Variants in TENM3 observed in about 807,000 individuals in gnomAD.
TENM3 encodes the protein teneurin-3.
Under a neutral mutation model 255.1 loss-of-function variants are expected in TENM3, and 63 were observed. The ratio of observed to expected loss-of-function variants is 0.25; its 90% CI spans 0.20 to 0.30. The LOEUF (loss-of-function observed/expected upper bound fraction) is 0.30, where lower values mean the gene tolerates loss of function less well. Among genes scored for constraint, TENM3 ranks in the 10% least tolerant of loss-of-function variants. The pLI is 1.00. For missense variants in TENM3, 2,929 were observed against 3,461.1 expected (o/e 0.85, Z 3.86); for synonymous variants, 1,306 against 1,322.3 (o/e 0.99, Z 0.27).
chr4:181,625,568 T>C, the TENM3 span, among the ~76,000 whole-genome samples: 2 of 152,048 alleles, frequency 1.3e-5, no homozygotes, highest in Admixed American at 6.6e-5. Context: ...ATCCCAGCAC[T>C]TTTGGAGGCC....
At chr4:181,666,046 T>C in the TENM3 span, among the ~76,000 whole-genome samples, 1 of 152,160 alleles carries the variant, frequency 6.6e-6, no homozygotes, top group African/African-American at 2.4e-5. Flanking sequence ...TAATGGAAAG[T>C]ATAGCTAGAT....
chr4:182,086,695 G>C, the TENM3 span, among the ~76,000 whole-genome samples: 1 of 152,204 alleles, frequency 6.6e-6, no homozygotes, highest in Non-Finnish European at 1.5e-5. Context: ...AGATGCAGTG[G>C]TAGGCTGCGG....
chr4:181,571,896 C>CT, the TENM3 span, among the ~76,000 whole-genome samples: 25 of 151,874 alleles, frequency 1.6e-4, no homozygotes, highest in Non-Finnish European at 1.5e-4. Flanking sequence ...ATGTCATCTT[C>CT]TTTTTCCTTT....
At chr4:182,398,313 A>G (rs1768991684) in intron 3 of TENM3, among the ~76,000 whole-genome samples, 1 of 152,170 alleles carries the variant, frequency 6.6e-6, no homozygotes, top group Non-Finnish European at 1.5e-5. Flanking sequence ...GAGGAGAACC[A>G]GAATGTAAGG....
At chr4:182,113,956 AAATATTGCACAATG>A in the TENM3 span, among the ~76,000 whole-genome samples, 1 of 152,214 alleles carries the variant, frequency 6.6e-6, no homozygotes, top group South Asian at 2.1e-4. Flanking sequence ...CCATCATTAT[AAATATTGCACAATG>A]TTGGTCTTGG....
intron 3 of TENM3, among the ~76,000 whole-genome samples, chr4:182,530,211 C>T (rs1196300871): frequency 6.6e-6 from 1 of 151,994 alleles, no homozygotes; most frequent in Non-Finnish European, 1.5e-5. Flanking sequence ...AAACTCAGAC[C>T]GCAGGCTCAT....
the TENM3 span, among the ~76,000 whole-genome samples, chr4:182,101,142 A>AG: frequency 5.4e-5 from 4 of 74,610 alleles, no homozygotes; most frequent in African/African-American, 2.5e-4. Flanking sequence ...AAGGAAGGAA[A>AG]GAAGGGAGGG....
chr4:181,510,107 T>G, the TENM3 span, among the ~76,000 whole-genome samples: 1 of 152,362 alleles, frequency 6.6e-6, no homozygotes, highest in African/African-American at 2.4e-5. Context: ...TGGGTGTGTG[T>G]ACAATGCTTA....
chr4:181,578,479 C>T, the TENM3 span, among the ~76,000 whole-genome samples: 4 of 152,178 alleles, frequency 2.6e-5, no homozygotes, highest in East Asian at 1.9e-4. Context: ...ATGGTTATCC[C>T]GAAAGCTTCT....
At chr4:182,706,348 G>C (rs1207887674) in intron 12 of TENM3, among the ~76,000 whole-genome samples, 1 of 152,162 alleles carries the variant, frequency 6.6e-6, no homozygotes, top group Non-Finnish European at 1.5e-5. Context: ...TTACCCCACA[G>C]GGTGGTGAAA....
chr4:181,811,822 G>A, the TENM3 span, among the ~76,000 whole-genome samples: 1 of 152,188 alleles, frequency 6.6e-6, no homozygotes, highest in Non-Finnish European at 1.5e-5. Context: ...ACAATTCAAG[G>A]TGAGATTTCG....
At chr4:182,163,851 G>T (rs1751519510) in intron 1 of TENM3, among the ~76,000 whole-genome samples, 1 of 152,088 alleles carries the variant, frequency 6.6e-6, no homozygotes, top group South Asian at 2.1e-4. Flanking sequence ...CTTCTAGTTG[G>T]TCTGCAAATA....
At chr4:182,717,786 T>A (rs1350627185) in intron 13 of TENM3, among the ~76,000 whole-genome samples, 6 of 152,226 alleles carry the variant, frequency 3.9e-5, no homozygotes, top group Admixed American at 2.0e-4. Flanking sequence ...TTATAAATCT[T>A]TCTTCTTCAA....
At chr4:182,756,199 G>A (rs988487226) in intron 22 of TENM3, among the ~76,000 whole-genome samples, 5 of 152,282 alleles carry the variant, frequency 3.3e-5, no homozygotes, top group African/African-American at 1.2e-4. Context: ...TTTTGTAATC[G>A]TTACCAGAGA....
chr4:181,956,132 A>G, the TENM3 span, among the ~76,000 whole-genome samples: 1 of 152,130 alleles, frequency 6.6e-6, no homozygotes, highest in African/African-American at 2.4e-5. Flanking sequence ...CTCACATGGA[A>G]GAAGGGGTGA....
At chr4:182,190,432 A>G (rs554174783) in intron 1 of TENM3, 8 of 152,300 alleles carry the variant, frequency 5.3e-5, no homozygotes, top group East Asian at 3.9e-4. Context: ...ATACAAGTAC[A>G]ATTTCTGGCT....
the TENM3 span, among the ~76,000 whole-genome samples, chr4:182,121,843 G>A: frequency 3.9e-5 from 6 of 152,086 alleles, no homozygotes; most frequent in South Asian, 2.1e-4. Context: ...CATTGATTAC[G>A]TCTTCCTTTC....
At chr4:182,389,829 G>T (rs1768295369) in intron 3 of TENM3, among the ~76,000 whole-genome samples, 1 of 151,982 alleles carries the variant, frequency 6.6e-6, no homozygotes, top group East Asian at 1.9e-4. Flanking sequence ...GGGACTACAG[G>T]CGCCCGCCAC....
chr4:182,547,034 C>T (rs1741520710), intron 3 of TENM3, among the ~76,000 whole-genome samples: 1 of 152,094 alleles, frequency 6.6e-6, no homozygotes, highest in African/African-American at 2.4e-5. Flanking sequence ...GAAATATCTC[C>T]TCTTCCATTT....
Sources: gnomAD v4.1 joint callset for allele counts (sites outside exome capture counted in the v4.1 genomes callset) on GRCh38, gnomAD v4.1.1 for gene constraint, MANE v1.5 for transcripts, NCBI Gene and HGNC (gene_info 2026-07-23, HGNC 2026-07-21) for gene names.